The following CDC27 variants were observed in gnomAD, a reference collection of about 807,000 sequenced individuals.
CDC27 encodes cell division cycle 27.
Under a neutral mutation model 109.7 loss-of-function variants are expected in CDC27, and 27 were observed. That is an observed-to-expected ratio of 0.25 (90% confidence interval 0.18 to 0.34). CDC27 has a LOEUF of 0.34. Ranked by LOEUF, CDC27 falls within the 10% of genes least tolerant of loss-of-function variation. CDC27 has a pLI of 1.00. For missense variants in CDC27, 579 were observed against 960.2 expected (o/e 0.60, Z 5.25); for synonymous variants, 266 against 333.9 (o/e 0.80, Z 2.22).
Position 47,118,681 on chromosome 17 carries a change from C to T in CDC27, c.*2254G>A, listed in dbSNP as rs993344669. 10 of 152,522 alleles carry T rather than the reference C, an allele frequency of 6.6e-5. No individual in the cohort carries two copies. Among genetic ancestry groups the T allele is most frequent in the African/African-American group, 2.2e-4 (9 of 41,416 alleles). 9.4% of individuals were successfully genotyped at this position (152,522 alleles called of 1,614,324 possible). ...ATTTGAAGCAAACATTTTGCTTGAT[C>T]AAAATGTGTTCTTCTTCGGGTTGTT... On this transcript the variant is annotated 3_prime_UTR_variant, in exon 19 of 19. Coordinates refer to ENST00000066544, the MANE Select transcript of CDC27 (RefSeq NM_001256.6).
chr17:47,154,690 G>A lies in CDC27; in HGVS notation c.939C>T (p.Thr313=), dbSNP rs751676877. Residue 313 remains threonine (T), a synonymous_variant, in exon 8 of 19, where the codon ACC becomes ACT. Coordinates refer to ENST00000066544, the MANE Select transcript of CDC27 (RefSeq NM_001256.6). ...AAAATACCTTTTTTGAAGGGGCTCCGGTGGATGGCACATCAATTACAGGAG... is the reference window on the plus strand; with the variant it reads ...AAAATACCTTTTTTGAAGGGGCTCCAGTGGATGGCACATCAATTACAGGAG... ...NTPPVIDVPS[T]GAPSKKSVAR... The A allele has an allele frequency of 1.6e-5, 26 of 1,587,086 alleles. No homozygotes were observed. Among genetic ancestry groups the A allele is most frequent in the Admixed American group, 1.2e-4 (7 of 59,708 alleles).
chr17:47,185,766 T>C (rs569879918), intron 1 of CDC27, among the ~76,000 whole-genome samples: 22 of 152,274 alleles, frequency 1.4e-4, no homozygotes, highest in African/African-American at 4.8e-4. Flanking sequence ...TGTAAGAAGA[T>C]ACAAAGAAAA....
chr17:47,168,220 C>T (rs532687704), intron 4 of CDC27, among the ~76,000 whole-genome samples: 1 of 152,242 alleles, frequency 6.6e-6, no homozygotes, highest in Admixed American at 6.5e-5. Flanking sequence ...TTCAGCTCCT[C>T]TCACCTCCTG....
At chr17:47,153,799 C>G (rs914782812) in intron 8 of CDC27, among the ~76,000 whole-genome samples, 1 of 152,172 alleles carries the variant, frequency 6.6e-6, no homozygotes, top group Middle Eastern at 3.4e-3. Flanking sequence ...AAAACAAGAG[C>G]CTCAGCAGGG....
At chr17:47,176,685 G>C (rs889478785) in intron 2 of CDC27, among the ~76,000 whole-genome samples, 1 of 152,172 alleles carries the variant, frequency 6.6e-6, no homozygotes, top group African/African-American at 2.4e-5. Context: ...ATAAATTTGG[G>C]AGGGGAAAAG....
rs542951600 is a variant in CDC27, at chr17:47,159,122, G to T, written c.378-819C>A. 366 of 311,634 alleles carry T rather than the reference G, an allele frequency of 1.2e-3. 2 individuals are homozygous for T. The highest frequency in any genetic ancestry group is 1.8e-3 in the Non-Finnish European group (308 of 171,642). The allele number at this position is 311,634 out of a possible 1,614,324, so 19.3% of individuals were successfully genotyped here. On this transcript the variant is annotated intron_variant, in intron 4 of 18. Coordinates refer to ENST00000066544, the MANE Select transcript of CDC27 (RefSeq NM_001256.6). ...TAAATGCTTTAAATATAGCATAAAT[G>T]ACCAGGTTTTTATTTGTTGTTGTTT... is the stretch of plus-strand genomic sequence containing the variant.
chr17:47,128,325 C>T (rs747794089), intron 16 of CDC27, among the ~76,000 whole-genome samples: 3 of 152,146 alleles, frequency 2.0e-5, no homozygotes, highest in Non-Finnish European at 4.4e-5. Flanking sequence ...GCCACTGCGC[C>T]CAGCCCTGAA....
At chr17:47,127,851 C>G (rs8077506) in intron 16 of CDC27, among the ~76,000 whole-genome samples, 14 of 151,620 alleles carry the variant, frequency 9.2e-5, no homozygotes, top group Admixed American at 3.9e-4. Context: ...TACAGGCACA[C>G]GTCACCACAC....
chr17:47,129,311 T>G (rs914024731), intron 16 of CDC27, 82 bp downstream of exon 16: 7 of 1,084,026 alleles, frequency 6.5e-6, no homozygotes, highest in Non-Finnish European at 9.3e-6. Flanking sequence ...ATTAAATAAA[T>G]AACTTTCAGT....
chr17:47,166,651 T>C (rs1348054313), intron 4 of CDC27, among the ~76,000 whole-genome samples: 1 of 152,206 alleles, frequency 6.6e-6, no homozygotes, highest in Non-Finnish European at 1.5e-5. Context: ...TACTGTGCTC[T>C]TCTTTTTCTA....
At chr17:47,171,886 C>A in intron 3 of CDC27, 31 bp downstream of exon 3, 2 of 1,537,740 alleles carry the variant, frequency 1.3e-6, no homozygotes, top group Admixed American at 1.9e-5. Context: ...GTAAGTAAAA[C>A]AAAATAGCTA....
At chr17:47,123,441 T>C (rs180934339) in intron 17 of CDC27, among the ~76,000 whole-genome samples, 1 of 151,118 alleles carries the variant, frequency 6.6e-6, no homozygotes, top group East Asian at 1.9e-4. Flanking sequence ...GACAGAATCT[T>C]GTTCTCTTGC....
Position 47,172,084 on chromosome 17 carries a change from A to T in CDC27, c.104-20T>A, listed in dbSNP as rs564718671. The T allele has an allele frequency of 4.6e-6, 7 of 1,521,702 alleles. No individual in the cohort carries two copies. In the Admixed American group the frequency reaches 7.1e-5, roughly 15 times the overall value. The allele number at this position is 1,521,702 out of a possible 1,614,324, so 94.3% of individuals were successfully genotyped here. On this transcript the variant is annotated intron_variant, in intron 2 of 18. Transcript: ENST00000066544. ...AGTGTACTAAAAACAGACATTTTTT[A>T]AAAAGGCTATTGTTCAGTATATTGA...
intron 14 of CDC27, among the ~76,000 whole-genome samples, chr17:47,133,030 C>CAT (rs1434986977): frequency 1.6e-3 from 48 of 29,418 alleles, no homozygotes; most frequent in East Asian, 6.0e-3. Flanking sequence ...TATATATATA[C>CAT]ACACACACAC....
intron 4 of CDC27, chr17:47,161,250 C>G (rs112775729): frequency 1.9e-4 from 29 of 151,608 alleles, no homozygotes; most frequent in African/African-American, 6.8e-4. Flanking sequence ...GGTCTCAAAC[C>G]TGGGATTACA....
At chr17:47,171,664 T>A (rs1195098662) in intron 3 of CDC27, among the ~76,000 whole-genome samples, 1 of 149,936 alleles carries the variant, frequency 6.7e-6, no homozygotes, top group East Asian at 1.9e-4. Context: ...ATATTTGTGA[T>A]CATTTAAGAA....
intron 4 of CDC27, chr17:47,159,235 C>T (rs2063415590): frequency 2.0e-6 from 1 of 507,302 alleles, no homozygotes; most frequent in South Asian, 4.1e-5. Flanking sequence ...TGTACGGAGA[C>T]TCTAGTGTGG....
chr17:47,185,425 C>T (rs2064398070), intron 1 of CDC27, among the ~76,000 whole-genome samples: 1 of 152,130 alleles, frequency 6.6e-6, no homozygotes, highest in Non-Finnish European at 1.5e-5. Flanking sequence ...CCTCGTGATC[C>T]GCCTGCCTCA....
chr17:47,128,140 C>T (rs1405673582), intron 16 of CDC27, among the ~76,000 whole-genome samples: 1 of 152,230 alleles, frequency 6.6e-6, no homozygotes, highest in East Asian at 1.9e-4. Context: ...AAGTGATTCT[C>T]GTGCCTCAGC....
Sources: gnomAD v4.1 joint callset for allele counts (sites outside exome capture counted in the v4.1 genomes callset) on GRCh38, gnomAD v4.1.1 for gene constraint, MANE v1.5 for transcripts, NCBI Gene and HGNC (gene_info 2026-07-23, HGNC 2026-07-21) for gene names.